The following ANK2 variants were observed in gnomAD, a reference collection of about 807,000 sequenced individuals.
ANK2 encodes the protein ankyrin-2.
Under a neutral mutation model 360.5 loss-of-function variants are expected in ANK2, and 83 were observed. That is an observed-to-expected ratio of 0.23 (90% CI 0.19 to 0.28). The LOEUF is 0.28. Among genes scored for constraint, ANK2 ranks in the 10% least tolerant of loss-of-function variants. The pLI, the probability that ANK2 is intolerant of heterozygous loss-of-function variation, is 1.00. For synonymous variants in ANK2, 1,740 were observed against 1,759.5 expected, an observed-to-expected ratio of 0.99 and a Z score of 0.28; for missense variants, 4,201 against 4,795.7, an observed-to-expected ratio of 0.88 and a Z score of 3.66.
intron 1 of ANK2, among the ~76,000 whole-genome samples, chr4:113,063,381 T>C (rs1254473232): frequency 1.3e-5 from 2 of 152,106 alleles, no homozygotes; most frequent in Admixed American, 6.6e-5. Context: ...AGAAAACATA[T>C]GGTACTTGAA....
intron 1 of ANK2, among the ~76,000 whole-genome samples, chr4:112,856,748 A>G (rs1337089507): frequency 6.6e-6 from 1 of 152,240 alleles, no homozygotes; most frequent in Admixed American, 6.5e-5. Context: ...AAAGTGTATT[A>G]TTAAACTATT....
At chr4:112,995,782 G>A (rs779336777) in intron 2 of ANK2, among the ~76,000 whole-genome samples, 1 of 152,118 alleles carries the variant, frequency 6.6e-6, no homozygotes, top group Non-Finnish European at 1.5e-5. Context: ...TGATAGGTAG[G>A]GGTCCAGTTG....
At chr4:113,141,753 AAAT>A (rs1281702078) in intron 1 of ANK2, among the ~76,000 whole-genome samples, 1 of 152,190 alleles carries the variant, frequency 6.6e-6, no homozygotes, top group Non-Finnish European at 1.5e-5. Flanking sequence ...TTAAAAGGTG[AAAT>A]TTAAAACTGC....
chr4:112,723,792 AGAT>A, the ANK2 span, among the ~76,000 whole-genome samples: 2 of 152,250 alleles, frequency 1.3e-5, no homozygotes, highest in African/African-American at 4.8e-5. Flanking sequence ...GGTCACAGTT[AGAT>A]GATGATCACA....
At chr4:113,226,918 A>G (rs1057097188) in intron 4 of ANK2, among the ~76,000 whole-genome samples, 1 of 152,164 alleles carries the variant, frequency 6.6e-6, no homozygotes, top group African/African-American at 2.4e-5. Context: ...TTTTATACCA[A>G]AAAGGAGAAA....
intron 2 of ANK2, among the ~76,000 whole-genome samples, chr4:113,175,359 A>G (rs1264839638): frequency 6.6e-6 from 1 of 152,198 alleles, no homozygotes. Flanking sequence ...TTCAAAAACA[A>G]CTTTTCAGAA....
intron 2 of ANK2, among the ~76,000 whole-genome samples, chr4:113,007,442 G>A (rs937387311): frequency 3.9e-5 from 6 of 152,110 alleles, no homozygotes; most frequent in African/African-American, 1.4e-4. Flanking sequence ...TCCATTACAG[G>A]ATACCCAAAT....
chr4:113,246,788 C>G (rs2043106627), intron 9 of ANK2, among the ~76,000 whole-genome samples: 1 of 151,972 alleles, frequency 6.6e-6, no homozygotes, highest in African/African-American at 2.4e-5. Flanking sequence ...TTCTAGGCAC[C>G]CTGCTAAGTA....
At chr4:112,715,410 C>T in the ANK2 span, among the ~76,000 whole-genome samples, 1 of 152,066 alleles carries the variant, frequency 6.6e-6, no homozygotes, top group Non-Finnish European at 1.5e-5. Flanking sequence ...ATAAAAATAG[C>T]ATGTGGGAGG....
Position 113,199,089 on chromosome 4 carries a change from A to G in ANK2, c.364A>G (p.Asn122Asp). Residue 122 changes from asparagine (N) to aspartate (D), a missense_variant, in exon 4 of 46, where the codon AAT becomes GAT. Transcript: ENST00000357077. ...CAAAGTTCTTGTTAAGGAAGGAGCC[A>G]ATATTAATGCACAGTCTCAGGTATT... ...VVKVLVKEGA[N>D]INAQSQNGFT... 5.6e-6 allele frequency: 9 copies of G among 1,611,446 alleles called. No individual in the cohort carries two copies. The highest frequency in any genetic ancestry group is 6.8e-6 in the Non-Finnish European group (8 of 1,177,698).
At chr4:113,370,966 TTGAATTAAACTTAATTTAATA>T (rs1033562011) in intron 43 of ANK2, among the ~76,000 whole-genome samples, 6 of 152,100 alleles carry the variant, frequency 3.9e-5, no homozygotes, top group Non-Finnish European at 7.4e-5. Flanking sequence ...GAGAATCTGT[TTGAATTAAACTTAATTTAATA>T]TGAATTAAAC....
intron 29 of ANK2, among the ~76,000 whole-genome samples, chr4:113,334,986 G>A (rs2093296451): frequency 6.6e-6 from 1 of 151,918 alleles, no homozygotes; most frequent in Non-Finnish European, 1.5e-5. Context: ...ATCTAGCTAT[G>A]CCCAATAATC....
At chr4:113,367,506 A>G in intron 41 of ANK2, 60 bp from the exon 42 acceptor site, 1 of 1,474,258 alleles carries the variant, frequency 6.8e-7, no homozygotes, top group East Asian at 2.4e-5. Flanking sequence ...TTATTACTTA[A>G]TAAATATCCA....
At chr4:112,822,669 C>T (rs1457363913) in intron 1 of ANK2, among the ~76,000 whole-genome samples, 1 of 151,404 alleles carries the variant, frequency 6.6e-6, no homozygotes, top group Non-Finnish European at 1.5e-5. Flanking sequence ...TGGCTTCAAA[C>T]CAGGAGGCGG....
At chr4:113,236,943 A>C (rs2099388439) in intron 5 of ANK2, 44 bp from the exon 6 acceptor site, 1 of 1,584,376 alleles carries the variant, frequency 6.3e-7, no homozygotes, top group East Asian at 2.2e-5. Flanking sequence ...AATCTCTAGC[A>C]TCTGAAGATG....
chr4:113,067,975 G>A (rs897093350), intron 1 of ANK2, among the ~76,000 whole-genome samples: 1 of 152,154 alleles, frequency 6.6e-6, no homozygotes, highest in African/African-American at 2.4e-5. Flanking sequence ...GAGCCACTCA[G>A]TAATGCTGGC....
intron 24 of ANK2, 136 bp downstream of exon 24, chr4:113,311,535 T>G: frequency 8.3e-7 from 1 of 1,201,014 alleles, no homozygotes; most frequent in South Asian, 1.3e-5. Context: ...GCATGTTATG[T>G]TTTTCCATTG....
At chr4:112,788,014 G>T in the ANK2 span, 1 of 786,212 alleles carries the variant, frequency 1.3e-6, no homozygotes, top group Non-Finnish European at 2.1e-6. Flanking sequence ...ATTACCCAAT[G>T]TATTTCTTTG....
intron 1 of ANK2, among the ~76,000 whole-genome samples, chr4:112,851,542 G>C (rs553978846): frequency 9.9e-5 from 15 of 152,134 alleles, no homozygotes; most frequent in Admixed American, 9.2e-4. Flanking sequence ...CACTTGCTAG[G>C]TTTCGCTAGA....
Sources: allele counts gnomAD v4.1 joint callset (sites outside exome capture counted in the v4.1 genomes callset), GRCh38; gene constraint gnomAD v4.1.1; transcripts MANE v1.5; gene names NCBI Gene and HGNC (gene_info 2026-07-23, HGNC 2026-07-21).